SLIT2: variants seen among roughly 807,000 people sequenced by gnomAD.
SLIT2 encodes the protein slit homolog 2 protein.
In SLIT2, 41 loss-of-function variants were observed where a neutral mutation model predicts 185.7. The observed-to-expected ratio is 0.22, with a 90% CI of 0.17 to 0.29. SLIT2 has a LOEUF of 0.29. Among genes scored for constraint, SLIT2 ranks in the 10% least tolerant of loss-of-function variants. The pLI is 1.00. For missense variants in SLIT2, 1,571 were observed against 1,909.0 expected (o/e 0.82, Z 3.30); for synonymous variants, 693 against 680.2 (o/e 1.02, Z -0.29).
chr4:20,344,018 T>C (rs1321594520), intron 4 of SLIT2, among the ~76,000 whole-genome samples: 1 of 151,978 alleles, frequency 6.6e-6, no homozygotes, highest in Non-Finnish European at 1.5e-5. Flanking sequence ...ACCCGGCTAA[T>C]GTTTTGTATT....
intron 7 of SLIT2, among the ~76,000 whole-genome samples, chr4:20,488,157 G>A (rs1474468174): frequency 4.6e-5 from 7 of 151,926 alleles, no homozygotes; most frequent in African/African-American, 1.7e-4. Context: ...CCAACATAGA[G>A]CGACTCACTT....
intron 4 of SLIT2, among the ~76,000 whole-genome samples, chr4:20,326,238 A>C (rs1470475146): frequency 6.6e-6 from 1 of 152,050 alleles, no homozygotes; most frequent in Non-Finnish European, 1.5e-5. Context: ...GTTTTAGACA[A>C]ATTTTGATTG....
intron 4 of SLIT2, among the ~76,000 whole-genome samples, chr4:20,313,336 G>A (rs1192353127): frequency 6.6e-6 from 1 of 152,120 alleles, no homozygotes; most frequent in East Asian, 1.9e-4. Flanking sequence ...GGAAGAGAGA[G>A]GGAGGCAGAT....
At position 20,595,766 on chromosome 4, in the gene SLIT2, G is replaced by C. The variant is rs199620619; in HGVS notation, c.3252G>C (p.Lys1084Asn). ...ATTTTGACGACTGCCAAGACAACAA[G>C]TGTAAAAACGGAGCCCACTGCACAG... ...DIDFDDCQDN[K>N]CKNGAHCTDA... Residue 1084 changes from lysine to asparagine, a missense_variant, in exon 31 of 37, where the codon AAG becomes AAC. Physicochemically the swap from Lys to Asn is moderately conservative, Grantham distance 94. Coordinates refer to ENST00000504154, the MANE Select transcript of SLIT2 (RefSeq NM_004787.4). 1 of 1,614,016 alleles carries C rather than the reference G, an allele frequency of 6.2e-7. No homozygotes were observed. The highest frequency in any genetic ancestry group is 1.7e-5 in the Admixed American group (1 of 59,994).
intron 31 of SLIT2, 127 bp downstream of exon 31, chr4:20,595,961 A>G: frequency 2.5e-6 from 2 of 797,394 alleles, no homozygotes; most frequent in Non-Finnish European, 3.9e-6. Context: ...TGTTTGTAAC[A>G]CAAGGATAAA....
intron 4 of SLIT2, among the ~76,000 whole-genome samples, chr4:20,281,749 C>G (rs539462120): frequency 2.3e-4 from 35 of 152,300 alleles, no homozygotes; most frequent in African/African-American, 7.9e-4. Flanking sequence ...CTCCTCTCCC[C>G]TCCCACCACA....
chr4:20,401,414 G>A (rs1560391070), intron 4 of SLIT2, among the ~76,000 whole-genome samples: 1 of 151,840 alleles, frequency 6.6e-6, no homozygotes, highest in Non-Finnish European at 1.5e-5. Flanking sequence ...CCTGCTTTGT[G>A]CTTCATTTGC....
At chr4:20,538,609 G>A (rs891486967) in intron 18 of SLIT2, among the ~76,000 whole-genome samples, 2 of 151,794 alleles carry the variant, frequency 1.3e-5, no homozygotes, top group Non-Finnish European at 2.9e-5. Flanking sequence ...TTCTGAATAC[G>A]ATTTATGGCA....
intron 4 of SLIT2, among the ~76,000 whole-genome samples, chr4:20,445,586 A>G (rs1371105839): frequency 1.3e-5 from 2 of 152,188 alleles, no homozygotes; most frequent in East Asian, 1.9e-4. Context: ...ACTTTAATAC[A>G]GAGGATCTAT....
intron 11 of SLIT2, among the ~76,000 whole-genome samples, chr4:20,518,227 A>ATGTG (rs1415820488): frequency 3.4e-4 from 40 of 118,350 alleles, no homozygotes; most frequent in African/African-American, 1.3e-3. Flanking sequence ...ATATACATAT[A>ATGTG]TATGTGTGTG....
At chr4:20,605,621 T>C (rs1434561377) in intron 33 of SLIT2, among the ~76,000 whole-genome samples, 1 of 152,174 alleles carries the variant, frequency 6.6e-6, no homozygotes, top group African/African-American at 2.4e-5. Context: ...AGACAGCTGC[T>C]ATAGACTGAA....
At chr4:20,580,525 CACTT>C (rs1164291049) in intron 29 of SLIT2, among the ~76,000 whole-genome samples, 2 of 152,084 alleles carry the variant, frequency 1.3e-5, no homozygotes, top group Non-Finnish European at 2.9e-5. Flanking sequence ...GCATTCGACT[CACTT>C]TCTCTTCTTC....
At chr4:20,392,414 G>C (rs1473039577) in intron 4 of SLIT2, among the ~76,000 whole-genome samples, 1 of 152,096 alleles carries the variant, frequency 6.6e-6, no homozygotes, top group Non-Finnish European at 1.5e-5. Flanking sequence ...CATTGAATGA[G>C]TGAGTGATGA....
intron 4 of SLIT2, among the ~76,000 whole-genome samples, chr4:20,381,773 G>A (rs1387858996): frequency 6.6e-6 from 1 of 151,854 alleles, no homozygotes; most frequent in Non-Finnish European, 1.5e-5. Context: ...ATAATGTCAA[G>A]TCTACACAGA....
At chr4:20,268,934 T>C (rs953978203) in intron 4 of SLIT2, 53 bp downstream of exon 4, 3 of 1,072,272 alleles carry the variant, frequency 2.8e-6, no homozygotes, top group Admixed American at 3.4e-5. Context: ...TGTGTTTTAT[T>C]AAATGTATTT....
intron 34 of SLIT2, among the ~76,000 whole-genome samples, chr4:20,613,556 A>G (rs1729409308): frequency 6.6e-6 from 1 of 152,160 alleles, no homozygotes; most frequent in Non-Finnish European, 1.5e-5. Flanking sequence ...ACTAATGGAC[A>G]TTAAGCTTAA....
intron 4 of SLIT2, among the ~76,000 whole-genome samples, chr4:20,410,220 GT>G (rs1428809557): frequency 2.3e-5 from 3 of 128,076 alleles, no homozygotes; most frequent in Non-Finnish European, 5.2e-5. Context: ...TTAAGTCTTG[GT>G]TTTTTTTCTT....
At chr4:20,473,713 A>G (rs1049467135) in intron 5 of SLIT2, among the ~76,000 whole-genome samples, 1 of 151,920 alleles carries the variant, frequency 6.6e-6, no homozygotes, top group African/African-American at 2.4e-5. Flanking sequence ...ATTTTTTCTC[A>G]TTTCAAATAT....
intron 30 of SLIT2, among the ~76,000 whole-genome samples, chr4:20,592,217 C>A (rs1441680354): frequency 6.6e-6 from 1 of 152,174 alleles, no homozygotes; most frequent in Non-Finnish European, 1.5e-5. Context: ...ACTAAGCTAA[C>A]AGAGCTGGTT....
Sources: gnomAD v4.1 joint callset for allele counts (sites outside exome capture counted in the v4.1 genomes callset) on GRCh38, gnomAD v4.1.1 for gene constraint, MANE v1.5 for transcripts, NCBI Gene and HGNC (gene_info 2026-07-23, HGNC 2026-07-21) for gene names.